The following PIRT variants were observed in gnomAD, a reference collection of about 807,000 sequenced individuals.
PIRT encodes the protein phosphoinositide-interacting protein.
PIRT carries 6 observed loss-of-function variants against 7.9 expected under a neutral mutation model. The ratio of observed to expected loss-of-function variants is 0.76; its 90% CI spans 0.42 to 1.51. The LOEUF (loss-of-function observed/expected upper bound fraction) is 1.51. Ranked by LOEUF, PIRT falls within the 40% of genes most tolerant of loss-of-function variation. The pLI is 0.01. For missense variants in PIRT, 170 were observed against 172.9 expected, an observed-to-expected ratio of 0.98 and a Z score of 0.09; for synonymous variants, 78 against 71.8, an observed-to-expected ratio of 1.09 and a Z score of -0.44.
At chr17:10,829,110 G>A (rs1035230716) in intron 1 of PIRT, among the ~76,000 whole-genome samples, 11 of 152,224 alleles carry the variant, frequency 7.2e-5, no homozygotes, top group African/African-American at 2.7e-4. Context: ...GCTGCTTACT[G>A]CAACCTGGTC....
intron 1 of PIRT, among the ~76,000 whole-genome samples, chr17:10,835,248 T>C (rs1046959781): frequency 2.2e-4 from 34 of 152,208 alleles, no homozygotes; most frequent in Admixed American, 1.7e-3. Context: ...AGGTGCTTTT[T>C]ATACAATAAT....
chr17:10,823,019 A>G lies in PIRT; in HGVS notation c.*2213T>C, dbSNP rs1314371118. 2 of 152,186 alleles carry G rather than the reference A, an allele frequency of 1.3e-5. No individual in the cohort carries two copies. Among genetic ancestry groups the G allele is most frequent in the Non-Finnish European group, 2.9e-5 (2 of 68,034 alleles). 9.4% of individuals were successfully genotyped at this position (152,186 alleles called of 1,614,324 possible). A position where few individuals can be genotyped will look rare whatever the true frequency, so the allele number is the denominator to read the frequency against. On this transcript the variant is annotated 3_prime_UTR_variant, in exon 2 of 2. Coordinates refer to ENST00000580256, the MANE Select transcript of PIRT (RefSeq NM_001101387.2). Reference sequence around the variant, plus strand: ...CTCCTCATATAGCTGTGCCCAGGCTACAATCTCCTGGGCAGAGGAAATGAG... The same window carrying G: ...CTCCTCATATAGCTGTGCCCAGGCTGCAATCTCCTGGGCAGAGGAAATGAG...
chr17:10,829,965 GTCTATCTATCTATCTA>G (rs10561822), intron 1 of PIRT, among the ~76,000 whole-genome samples: 16,687 of 149,544 alleles, frequency 0.11, 965 homozygotes, highest in East Asian at 0.19. Flanking sequence ...ATGTCTGTCT[GTCTATCTATCTATCTA>G]TCTATCTATC....
intron 1 of PIRT, among the ~76,000 whole-genome samples, chr17:10,829,748 C>T (rs7207997): frequency 0.46 from 70,264 of 152,026 alleles, 18,197 homozygotes; most frequent in African/African-American, 0.71. Flanking sequence ...CACTACGTGA[C>T]GTGAGAAAGA....
Position 10,825,310 on chromosome 17 carries a change from G to A in PIRT, c.336C>T (p.Pro112=), listed in dbSNP as rs568800420. 1.9e-6 allele frequency: 3 copies of A among 1,613,900 alleles called. No individual in the cohort carries two copies. Among genetic ancestry groups the A allele is most frequent in the African/African-American group, 1.3e-5 (1 of 75,012 alleles). Residue 112 remains proline, a synonymous_variant, in exon 2 of 2, where the codon CCC becomes CCT. Coordinates refer to ENST00000580256, the MANE Select transcript of PIRT (RefSeq NM_001101387.2). ...TGTGCTTCTGTTTCTTTTTGATGAT[G>A]GGCACCCACACCAGCCCGCACACCA... ...MMLVCGLVWV[P]IIKKKQKHRQ... is the part of the protein sequence containing the mutation.
Position 10,829,037 on chromosome 17 carries a change from A to AT in PIRT, c.-138-3255dup, listed in dbSNP as rs139688071. Among the ~76,000 whole-genome samples, 381 of 152,180 alleles carry AT rather than the reference A, an allele frequency of 2.5e-3. 6 individuals are homozygous for AT. In the East Asian group the frequency reaches 0.059, roughly 24 times the overall value. Reference sequence around the variant, plus strand: ...AAGCAAAGTAGCCATTTAAAAGGTGATTTTTTTCCCCCTGTGGGCTTGGGG... The same window carrying AT: ...AAGCAAAGTAGCCATTTAAAAGGTGATTTTTTTTCCCCCTGTGGGCTTGGGG... On this transcript the variant is annotated intron_variant, in intron 1 of 1. Transcript: ENST00000580256.
chr17:10,830,362 A>G (rs1905435184), intron 1 of PIRT, among the ~76,000 whole-genome samples: 1 of 152,206 alleles, frequency 6.6e-6, no homozygotes, highest in South Asian at 2.1e-4. Context: ...TGTGATGGAA[A>G]GACCCAGGTC....
At chr17:10,835,233 A>T (rs1295787593) in intron 1 of PIRT, among the ~76,000 whole-genome samples, 4 of 152,162 alleles carry the variant, frequency 2.6e-5, no homozygotes, top group African/African-American at 9.7e-5. Flanking sequence ...GCGGCTGGGG[A>T]GGGCAGGTGC....
intron 1 of PIRT, among the ~76,000 whole-genome samples, chr17:10,834,686 G>A (rs1314036194): frequency 6.6e-6 from 1 of 152,076 alleles, no homozygotes; most frequent in African/African-American, 2.4e-5. Flanking sequence ...CTGCCTCCCG[G>A]GTTCACGCCA....
At chr17:10,826,818 C>CT (rs957770383) in intron 1 of PIRT, among the ~76,000 whole-genome samples, 115 of 147,656 alleles carry the variant, frequency 7.8e-4, no homozygotes, top group Middle Eastern at 3.5e-3. Context: ...GTGCAACCTT[C>CT]TTTTTTTTTT....
chr17:10,832,064 C>T (rs988260317), intron 1 of PIRT, among the ~76,000 whole-genome samples: 5 of 152,126 alleles, frequency 3.3e-5, no homozygotes, highest in East Asian at 3.9e-4. Context: ...AGAATGCATG[C>T]GATGTGATCT....
intron 1 of PIRT, among the ~76,000 whole-genome samples, chr17:10,835,004 A>G (rs1169511858): frequency 6.6e-6 from 1 of 150,950 alleles, no homozygotes; most frequent in Admixed American, 6.6e-5. Flanking sequence ...TCTCCCTTTG[A>G]TATTACAGCC....
In PIRT at chr17:10,825,782, T is replaced by C; in HGVS notation, c.-137A>G. 1.3e-6 allele frequency: 1 copy of C among 791,802 alleles called. No individual in the cohort carries two copies. Among genetic ancestry groups the C allele is most frequent in the Non-Finnish European group, 1.8e-6 (1 of 567,804 alleles). The allele number at this position is 791,802 out of a possible 1,614,324, so 49.0% of individuals were successfully genotyped here. ...CAGTGGAGGGTGAACAAGGTTTTTG[T>C]GCTGAAGCCAAAAAAGAAAATGAAA... On this transcript the variant is annotated splice_region_variant and 5_prime_UTR_variant, in exon 2 of 2. Transcript: ENST00000580256.
Position 10,825,134 on chromosome 17 carries a change from A to G in PIRT, c.*98T>C. ...AGGGTCAGGAAGAGCATTTTCCTGG[A>G]TCAGTTTTATGGCACCCCACAGAGG... On this transcript the variant is annotated 3_prime_UTR_variant, in exon 2 of 2. Coordinates refer to ENST00000580256, the MANE Select transcript of PIRT (RefSeq NM_001101387.2). The G allele has an allele frequency of 7.0e-7, 1 of 1,430,392 alleles. No individual in the cohort carries two copies. Among genetic ancestry groups the G allele is most frequent in the Non-Finnish European group, 9.4e-7 (1 of 1,058,630 alleles). 88.6% of individuals were successfully genotyped at this position (1,430,392 alleles called of 1,614,324 possible). A position where few individuals can be genotyped will look rare whatever the true frequency, so the allele number is the denominator to read the frequency against.
intron 1 of PIRT, among the ~76,000 whole-genome samples, chr17:10,834,450 T>G (rs774255795): frequency 1.3e-5 from 2 of 152,172 alleles, no homozygotes; most frequent in Non-Finnish European, 2.9e-5. Context: ...AGAAAATTGT[T>G]GTGGGGCTTG....
In PIRT at chr17:10,836,198, C is replaced by T. The variant is rs188132024; in HGVS notation, c.-139+1747G>A. On this transcript the variant is annotated intron_variant, in intron 1 of 1. Coordinates refer to ENST00000580256, the MANE Select transcript of PIRT (RefSeq NM_001101387.2). Reference sequence around the variant, plus strand: ...GATTACAGGCGTGAGCTACTGCACCCGGCCAATCCTGCTCTTTTATTTATG... The same window carrying T: ...GATTACAGGCGTGAGCTACTGCACCTGGCCAATCCTGCTCTTTTATTTATG... Among the ~76,000 whole-genome samples the T allele has an allele frequency of 1.9e-3, 282 of 152,280 alleles. 1 individual carries two copies. The highest frequency in any genetic ancestry group is 6.4e-3 in the African/African-American group (265 of 41,550).
At chr17:10,827,182 A>G (rs1742879384) in intron 1 of PIRT, among the ~76,000 whole-genome samples, 1 of 152,094 alleles carries the variant, frequency 6.6e-6, no homozygotes, top group Admixed American at 6.5e-5. Context: ...ATCAAGGCCA[A>G]TTTCCAGCTT....
chr17:10,829,177 C>T (rs1426324254), intron 1 of PIRT, among the ~76,000 whole-genome samples: 3 of 152,116 alleles, frequency 2.0e-5, no homozygotes, highest in South Asian at 2.1e-4. Context: ...GTAGTCATTT[C>T]GATCCCGTTT....
At chr17:10,827,348 A>AGG (rs985165451) in intron 1 of PIRT, among the ~76,000 whole-genome samples, 9 of 152,128 alleles carry the variant, frequency 5.9e-5, no homozygotes, top group African/African-American at 1.9e-4. Context: ...GAGCAATTTC[A>AGG]GGGCTGGGCT....
Sources: gnomAD v4.1 joint callset for allele counts (sites outside exome capture counted in the v4.1 genomes callset) on GRCh38, gnomAD v4.1.1 for gene constraint, MANE v1.5 for transcripts, NCBI Gene and HGNC (gene_info 2026-07-23, HGNC 2026-07-21) for gene names.